Variants in NKD1 observed in about 807,000 individuals in gnomAD.
NKD1 encodes the protein NKD inhibitor of Wnt signaling pathway 1.
In NKD1, 21 loss-of-function variants were observed where a neutral mutation model predicts 56.0. That is an observed-to-expected ratio of 0.38 (90% CI 0.27 to 0.54). The LOEUF (loss-of-function observed/expected upper bound fraction) is 0.54. Ranked by LOEUF, NKD1 falls within the 20% of genes least tolerant of loss-of-function variation. NKD1 has a pLI of 0.82. For missense variants in NKD1, 578 were observed against 642.7 expected (o/e 0.90, Z 1.09); for synonymous variants, 263 against 265.7 (o/e 0.99, Z 0.10).
At chr16:50,563,033 T>C (rs73587988) in intron 3 of NKD1, among the ~76,000 whole-genome samples, 20,261 of 125,566 alleles carry the variant, frequency 0.16, 2,676 homozygotes, top group African/African-American at 0.38. Flanking sequence ...GCTGTAGAAG[T>C]GACCTCTAGA....
Position 50,645,827 on chromosome 16 carries a change from CAA to C in NKD1, c.*12047_*12048del, listed in dbSNP as rs1409106542. The C allele has an allele frequency of 6.6e-6, 1 of 152,070 alleles. No homozygotes were observed. The highest frequency in any genetic ancestry group is 1.5e-5 in the Non-Finnish European group (1 of 68,026). 9.4% of individuals were successfully genotyped at this position (152,070 alleles called of 1,614,324 possible). On this transcript the variant is annotated 3_prime_UTR_variant, in exon 10 of 10. Coordinates refer to ENST00000268459, the MANE Select transcript of NKD1 (RefSeq NM_033119.5). ...GGGAAAGAACAAAAAGAAAAGTTGG[CAA>C]GAAAGAAAGGGCAAAGACAGAGAGA... is the stretch of plus-strand genomic sequence containing the variant.
At chr16:50,565,629 C>A (rs936403259) in intron 3 of NKD1, among the ~76,000 whole-genome samples, 2 of 152,176 alleles carry the variant, frequency 1.3e-5, no homozygotes, top group African/African-American at 4.8e-5. Context: ...TTCGAGGCTG[C>A]AGTGAGCCAT....
chr16:50,603,540 G>A (rs376768297), intron 3 of NKD1, among the ~76,000 whole-genome samples: 3 of 152,372 alleles, frequency 2.0e-5, no homozygotes, highest in Middle Eastern at 3.4e-3. Context: ...AAGTTGTGCC[G>A]TGTTCTGTGG....
rs1962436360 is a variant in NKD1, at chr16:50,635,011, G to C, written c.*1230G>C. The C allele has an allele frequency of 1.3e-5, 2 of 152,204 alleles. No individual in the cohort carries two copies. The allele number at this position is 152,204 out of a possible 1,614,324, so 9.4% of individuals were successfully genotyped here. A position where few individuals can be genotyped will look rare whatever the true frequency, so the allele number is the denominator to read the frequency against. On this transcript the variant is annotated 3_prime_UTR_variant, in exon 10 of 10. Transcript: ENST00000268459. This position sits in a 1 kb window ranked among gnomAD's most constrained non-coding sequence, Gnocchi z 4.1. Reference sequence around the variant, plus strand: ...GAGAAACCTGAAAAAGAACCAGTCAGCTAGCCAGGGTCTCAGAGAAAAGCA... The same window carrying C: ...GAGAAACCTGAAAAAGAACCAGTCACCTAGCCAGGGTCTCAGAGAAAAGCA...
At chr16:50,559,577 G>A (rs1960577621) in intron 3 of NKD1, among the ~76,000 whole-genome samples, 1 of 152,166 alleles carries the variant, frequency 6.6e-6, no homozygotes, top group South Asian at 2.1e-4. Context: ...TGCAGCAGCA[G>A]GGAGTGGGCA....
chr16:50,570,986 G>A, intron 3 of NKD1: 1 of 985,414 alleles, frequency 1.0e-6, no homozygotes, highest in Non-Finnish European at 1.2e-6. Context: ...TCCTTCACTG[G>A]GCTCATGGCG....
chr16:50,550,476 G>A (rs1596699250), intron 3 of NKD1, among the ~76,000 whole-genome samples: 2 of 152,108 alleles, frequency 1.3e-5, no homozygotes, highest in African/African-American at 4.8e-5. Flanking sequence ...TTGTATTTGG[G>A]TGGTGGGACC....
At chr16:50,583,355 CAA>C (rs1567340657) in intron 3 of NKD1, among the ~76,000 whole-genome samples, 1 of 152,164 alleles carries the variant, frequency 6.6e-6, no homozygotes, top group Non-Finnish European at 1.5e-5. Context: ...CCGAACAGGA[CAA>C]GAGAGAGGCC....
chr16:50,600,635 T>C (rs1961574481), intron 3 of NKD1, among the ~76,000 whole-genome samples: 1 of 152,246 alleles, frequency 6.6e-6, no homozygotes, highest in South Asian at 2.1e-4. Flanking sequence ...CCATGGCATG[T>C]GGATGCCTGC....
intron 4 of NKD1, among the ~76,000 whole-genome samples, chr16:50,614,875 A>G (rs970891513): frequency 6.6e-6 from 1 of 152,224 alleles, no homozygotes; most frequent in East Asian, 1.9e-4. Context: ...GCAAAGACCC[A>G]TCCTGACTTG....
In NKD1 at chr16:50,644,522, C is replaced by T. The variant is rs935208804; in HGVS notation, c.*10741C>T. On this transcript the variant is annotated 3_prime_UTR_variant, in exon 10 of 10. Coordinates refer to ENST00000268459, the MANE Select transcript of NKD1 (RefSeq NM_033119.5). The stretch of plus-strand genomic sequence containing the variant: ...GAGTTGTTGGAATGTTGATGCTGCC[C>T]CCAGAGAAGGGTGACAGCATGCAGA... The T allele has an allele frequency of 2.0e-5, 3 of 152,216 alleles. No homozygotes were observed. The highest frequency in any genetic ancestry group is 1.9e-4 in the East Asian group (1 of 5,198). 9.4% of individuals were successfully genotyped at this position (152,216 alleles called of 1,614,324 possible). A position where few individuals can be genotyped will look rare whatever the true frequency, so the allele number is the denominator to read the frequency against.
At chr16:50,581,487 A>ATGTCTATT (rs1188360238) in intron 3 of NKD1, among the ~76,000 whole-genome samples, 1 of 152,176 alleles carries the variant, frequency 6.6e-6, no homozygotes, top group Non-Finnish European at 1.5e-5. Flanking sequence ...TTCACTCAGC[A>ATGTCTATT]TGTCTATTGC....
Position 50,598,247 on chromosome 16 carries a change from G to A in NKD1, c.193-10047G>A, listed in dbSNP as rs916163129. ...GTGGACTCTGTGTGTGTGTGTGTGT[G>A]TGTGTGTGTGTGTGTGCGCGCACAC... On this transcript the variant is annotated intron_variant, in intron 3 of 9. Coordinates refer to ENST00000268459, the MANE Select transcript of NKD1 (RefSeq NM_033119.5). This position sits in a 1 kb window ranked among gnomAD's most constrained non-coding sequence, Gnocchi z 4.2. 1.3e-5 allele frequency among the ~76,000 whole-genome samples: 2 copies of A among 148,868 alleles called. No homozygotes were observed. The highest frequency in any genetic ancestry group is 1.3e-4 in the Admixed American group (2 of 15,078).
intron 3 of NKD1, among the ~76,000 whole-genome samples, chr16:50,596,064 A>G (rs1452854642): frequency 6.6e-6 from 1 of 152,250 alleles, no homozygotes; most frequent in African/African-American, 2.4e-5. Context: ...CTGGAATCAA[A>G]GCGCTGTCTG....
chr16:50,563,956 A>G (rs1307375094), intron 3 of NKD1, among the ~76,000 whole-genome samples: 8 of 149,990 alleles, frequency 5.3e-5, no homozygotes, highest in African/African-American at 1.5e-4. Flanking sequence ...CTCAGTGGGC[A>G]CAGCCCTGGA....
chr16:50,565,468 C>T (rs1273509820), intron 3 of NKD1, among the ~76,000 whole-genome samples: 4 of 152,070 alleles, frequency 2.6e-5, no homozygotes, highest in Non-Finnish European at 5.9e-5. Context: ...TGCTTGAGCC[C>T]AGGAGTTTGA....
chr16:50,570,032 G>C (rs1243443290), intron 3 of NKD1, among the ~76,000 whole-genome samples: 4 of 152,016 alleles, frequency 2.6e-5, no homozygotes, highest in Non-Finnish European at 5.9e-5. Context: ...GAGTGCTCAG[G>C]GGATTTCAAA....
chr16:50,549,624 T>G, intron 3 of NKD1, 69 bp downstream of exon 3: 1 of 1,421,518 alleles, frequency 7.0e-7, no homozygotes, highest in South Asian at 1.4e-5. Context: ...CCCAAACCCA[T>G]GCACCCCAAC....
Position 50,632,310 on chromosome 16 carries a change from C to G in NKD1, c.725C>G (p.Ser242Cys). The G allele has an allele frequency of 1.2e-6, 2 of 1,614,162 alleles. No homozygotes were observed. Among genetic ancestry groups the G allele is most frequent in the Non-Finnish European group, 1.7e-6 (2 of 1,179,966 alleles). ...CAGGGTGACAGCCGCCTGGAGCAGT[C>G]TGGCTGCTACCACCATTGCGTAGAT... ...RFQGDSRLEQ[S>C]GCYHHCVDEN... The change falls in exon 9 of 10, where the codon TCT (serine) becomes TGT (cysteine). Residue 242 changes from serine to cysteine, a missense_variant. Coordinates refer to ENST00000268459, the MANE Select transcript of NKD1 (RefSeq NM_033119.5). This position sits in a 1 kb window ranked among gnomAD's most constrained non-coding sequence, Gnocchi z 4.1.
Sources: gnomAD v4.1 joint callset for allele counts (sites outside exome capture counted in the v4.1 genomes callset) on GRCh38, gnomAD v4.1.1 for gene constraint, Gnocchi (gnomAD v3.1) non-coding constraint, MANE v1.5 for transcripts, NCBI Gene and HGNC (gene_info 2026-07-23, HGNC 2026-07-21) for gene names.